Variants in ESR1 observed in about 807,000 individuals in gnomAD.
The protein encoded by ESR1 is estrogen receptor.
ESR1 carries 12 observed loss-of-function variants against 52.7 expected under a neutral mutation model. The observed-to-expected ratio is 0.23, with a 90% CI of 0.15 to 0.37. The LOEUF is 0.37. Among genes scored for constraint, ESR1 ranks in the 10% least tolerant of loss-of-function variants. The pLI is 1.00. For synonymous variants in ESR1, 305 were observed against 316.8 expected (o/e 0.96, Z 0.39); for missense variants, 584 against 779.7 (o/e 0.75, Z 2.99).
intron 2 of ESR1, among the ~76,000 whole-genome samples, chr6:151,770,739 T>C (rs897513846): frequency 2.6e-5 from 4 of 152,202 alleles, no homozygotes; most frequent in African/African-American, 9.6e-5. Context: ...TAAATATGAC[T>C]GAGTCAATTT....
At chr6:152,104,717 G>A (rs570252064), downstream of ESR1, among the ~76,000 whole-genome samples, 1 of 152,238 alleles carries the variant, frequency 6.6e-6, no homozygotes, top group South Asian at 2.1e-4. Flanking sequence ...TTTGACCCTG[G>A]TTTCTAACAC....
intron 2 of ESR1, among the ~76,000 whole-genome samples, chr6:151,773,125 C>T (rs1785650904): frequency 6.6e-6 from 1 of 152,088 alleles, no homozygotes; most frequent in African/African-American, 2.4e-5. Flanking sequence ...TATAAGGAAT[C>T]CAGTATGACT....
At chr6:151,943,032 TC>T (rs1380784394) in intron 3 of ESR1, among the ~76,000 whole-genome samples, 2 of 152,016 alleles carry the variant, frequency 1.3e-5, no homozygotes, top group Non-Finnish European at 2.9e-5. Context: ...AAAGATTGGA[TC>T]CCCCCTCTTC....
intron 6 of ESR1, among the ~76,000 whole-genome samples, chr6:152,080,979 C>T (rs1188856147): frequency 6.6e-6 from 1 of 152,126 alleles, no homozygotes; most frequent in Non-Finnish European, 1.5e-5. Context: ...AAAGCAAGTC[C>T]TTAGAGACCT....
chr6:152,088,101 G>T (rs9322357), intron 6 of ESR1, among the ~76,000 whole-genome samples: 17,219 of 152,100 alleles, frequency 0.11, 1,220 homozygotes, highest in East Asian at 0.33. Context: ...AATTAAAAAT[G>T]TAATGTATTT....
chr6:151,850,917 C>T (rs1786569587), intron 2 of ESR1, among the ~76,000 whole-genome samples: 1 of 152,202 alleles, frequency 6.6e-6, no homozygotes, highest in African/African-American at 2.4e-5. Flanking sequence ...CCTTCTCCTT[C>T]ATCTAAGCCG....
chr6:151,767,886 G>A (rs1785192923), intron 2 of ESR1, among the ~76,000 whole-genome samples: 1 of 152,154 alleles, frequency 6.6e-6, no homozygotes, highest in Admixed American at 6.5e-5. Context: ...GGTGGGGAGA[G>A]CAAACCTAGA....
At chr6:152,030,973 G>T (rs952345373) in intron 5 of ESR1, among the ~76,000 whole-genome samples, 4 of 152,214 alleles carry the variant, frequency 2.6e-5, no homozygotes, top group African/African-American at 7.2e-5. Context: ...TAGAACTCAG[G>T]ATTAAGAAAC....
intron 5 of ESR1, among the ~76,000 whole-genome samples, chr6:152,049,603 G>T (rs759116666): frequency 4.6e-5 from 7 of 152,154 alleles, no homozygotes; most frequent in Non-Finnish European, 8.8e-5. Flanking sequence ...GTGAGTAAAG[G>T]GTGTGTCAGT....
At chr6:151,729,042 A>G (rs1714156173) in intron 2 of ESR1, among the ~76,000 whole-genome samples, 1 of 152,196 alleles carries the variant, frequency 6.6e-6, no homozygotes, top group African/African-American at 2.4e-5. Context: ...TTCATTTGCA[A>G]TGGATGGAAT....
chr6:151,872,383 CT>C lies in ESR1; in HGVS notation c.644-8271del, dbSNP rs534237271. On this transcript the variant is annotated intron_variant, in intron 2 of 7. Transcript: ENST00000206249. The stretch of plus-strand genomic sequence containing the variant: ...TATTAGAATATTTGACTTTCTCCTC[CT>C]CCTCCCTTTAGCCCTAACTATTTGG... Among the ~76,000 whole-genome samples, 199 of 152,306 alleles carry C rather than the reference CT, an allele frequency of 1.3e-3. 1 individual carries two copies. The highest frequency in any genetic ancestry group is 4.5e-3 in the African/African-American group (187 of 41,562).
intron 1 of ESR1, among the ~76,000 whole-genome samples, chr6:151,698,053 T>C (rs541705506): frequency 1.3e-5 from 2 of 151,762 alleles, no homozygotes; most frequent in South Asian, 4.2e-4. Context: ...GCCAATATTG[T>C]ACCACTGCAC....
intron 3 of ESR1, among the ~76,000 whole-genome samples, chr6:151,920,274 T>C (rs1414813827): frequency 6.6e-6 from 1 of 150,704 alleles, no homozygotes; most frequent in African/African-American, 2.4e-5. Flanking sequence ...TTTAATATTA[T>C]ATGAAAGTAC....
chr6:151,746,979 A>T (rs574152858), intron 2 of ESR1, among the ~76,000 whole-genome samples: 1 of 152,374 alleles, frequency 6.6e-6, no homozygotes, highest in African/African-American at 2.4e-5. Context: ...AGGAAAAGCC[A>T]TATAAGATTT....
At chr6:151,993,496 C>T (rs1428324306) in intron 4 of ESR1, among the ~76,000 whole-genome samples, 1 of 152,124 alleles carries the variant, frequency 6.6e-6, no homozygotes, top group Admixed American at 6.5e-5. Flanking sequence ...ACAAAGAAAA[C>T]AAGTCAAGGA....
In ESR1 at chr6:151,897,130, G is replaced by A. The variant is rs1166249156; in HGVS notation, c.760+16359G>A. Reference sequence around the variant, plus strand: ...GTCTATCCTAGAGAAAGTTGCATACGCTGATGAATAGAATGTATATTCTGT... The same window carrying A: ...GTCTATCCTAGAGAAAGTTGCATACACTGATGAATAGAATGTATATTCTGT... On this transcript the variant is annotated intron_variant, in intron 3 of 7. Coordinates refer to ENST00000206249, the MANE Select transcript of ESR1 (RefSeq NM_000125.4). 2.6e-5 allele frequency among the ~76,000 whole-genome samples: 4 copies of A among 152,112 alleles called. 1 individual carries two copies. The highest frequency in any genetic ancestry group is 5.9e-5 in the Non-Finnish European group (4 of 68,016).
chr6:152,129,391 T>C (rs2054684039), exon 7 of ESR1: 1 of 152,208 alleles, frequency 6.6e-6, no homozygotes, highest in African/African-American at 2.4e-5. Flanking sequence ...ATCAGCAATT[T>C]GTGGGGAAAA....
intron 2 of ESR1, among the ~76,000 whole-genome samples, chr6:151,876,411 T>C (rs1379424580): frequency 6.6e-6 from 1 of 151,780 alleles, no homozygotes; most frequent in Non-Finnish European, 1.5e-5. Context: ...GGAAAAGAGG[T>C]GACAAAAGGA....
chr6:152,007,536 C>G (rs2128761998), intron 4 of ESR1, among the ~76,000 whole-genome samples: 1 of 152,160 alleles, frequency 6.6e-6, no homozygotes, highest in Admixed American at 6.5e-5. Flanking sequence ...AATATATCAT[C>G]TCTGGATTCA....
Sources: allele counts gnomAD v4.1 joint callset (sites outside exome capture counted in the v4.1 genomes callset), GRCh38; gene constraint gnomAD v4.1.1; transcripts MANE v1.5; gene names NCBI Gene and HGNC (gene_info 2026-07-23, HGNC 2026-07-21).